The following ATXN8OS variants were observed in gnomAD, a reference collection of about 807,000 sequenced individuals.
The protein encoded by ATXN8OS is ATXN8 opposite strand lncRNA, also known as ATXN8 opposite strand (non-protein coding).
At position 70,159,097 on chromosome 13, in the gene ATXN8OS, T is replaced by A. The variant is rs375834137; in HGVS notation, n.574-10656T>A. ...AGATTAAAATCTCCTCATTACTAGA[T>A]AATACTATAGTTCAACGTATTTTAG... On this transcript the variant is annotated intron_variant and non_coding_transcript_variant, in intron 4 of 4. Transcript: ENST00000678624. 5.3e-5 allele frequency among the ~76,000 whole-genome samples: 8 copies of A among 152,248 alleles called. No individual in the cohort carries two copies. The South Asian group carries it at 1.7e-3, about 32-fold the overall frequency.
At chr13:70,124,773 T>C (rs1288970927) in intron 2 of ATXN8OS, among the ~76,000 whole-genome samples, 1 of 152,066 alleles carries the variant, frequency 6.6e-6, no homozygotes, top group Non-Finnish European at 1.5e-5. Context: ...ACTGAAGATA[T>C]ATCGTTGTCA....
Position 70,150,985 on chromosome 13 carries a change from GTGAT to G in ATXN8OS, n.573+3562_573+3565del, listed in dbSNP as rs1888858467. On this transcript the variant is annotated intron_variant and non_coding_transcript_variant, in intron 4 of 4. Transcript: ENST00000678624. Reference sequence around the variant, plus strand: ...TTTTAAAAAACAGCTTTATCAAGGTGTGATTGATACTCAAAAATCTGCACATATT... The same window carrying G: ...TTTTAAAAAACAGCTTTATCAAGGTGTGATACTCAAAAATCTGCACATATT... Among the ~76,000 whole-genome samples, 4 of 152,236 alleles carry G rather than the reference GTGAT, an allele frequency of 2.6e-5. No individual in the cohort carries two copies. The South Asian group carries it at 8.3e-4, about 32-fold the overall frequency.
intron 4 of ATXN8OS, among the ~76,000 whole-genome samples, chr13:70,155,082 G>T (rs1478700630): frequency 1.3e-5 from 2 of 152,190 alleles, no homozygotes; most frequent in Admixed American, 6.5e-5. Flanking sequence ...ACATCAGTCA[G>T]CTGGGCCTGA....
chr13:70,109,321 T>C (rs1433361392), intron 1 of ATXN8OS, among the ~76,000 whole-genome samples: 1 of 152,192 alleles, frequency 6.6e-6, no homozygotes, highest in Non-Finnish European at 1.5e-5. Flanking sequence ...CAGTAGTCTT[T>C]GTTGAAGGCA....
chr13:70,155,869 A>G (rs896975491), intron 4 of ATXN8OS, among the ~76,000 whole-genome samples: 6 of 152,000 alleles, frequency 3.9e-5, no homozygotes, highest in Non-Finnish European at 8.8e-5. Context: ...CAGAAAAAAA[A>G]GTATGTTTTA....
intron 4 of ATXN8OS, among the ~76,000 whole-genome samples, chr13:70,154,581 A>G (rs1261859612): frequency 6.6e-6 from 1 of 152,186 alleles, no homozygotes; most frequent in Non-Finnish European, 1.5e-5. Context: ...AAGTGAAATA[A>G]GTTGTCCTGT....
At chr13:70,156,855 C>T (rs1349516749) in intron 4 of ATXN8OS, among the ~76,000 whole-genome samples, 2 of 151,980 alleles carry the variant, frequency 1.3e-5, no homozygotes, top group East Asian at 1.9e-4. Context: ...TTTCAGCTAC[C>T]TCCTTAAGCC....
chr13:70,109,748 T>C (rs1418893231), intron 1 of ATXN8OS, among the ~76,000 whole-genome samples: 2 of 152,176 alleles, frequency 1.3e-5, no homozygotes, highest in Non-Finnish European at 2.9e-5. Flanking sequence ...TGGTGACAGA[T>C]CATTTTTATC....
intron 1 of ATXN8OS, among the ~76,000 whole-genome samples, chr13:70,112,687 T>G (rs997796246): frequency 2.6e-5 from 4 of 152,012 alleles, no homozygotes; most frequent in Admixed American, 2.6e-4. Context: ...TACATTTGTA[T>G]AGTTGAGGAA....
At chr13:70,137,083 A>G (rs1888628652) in intron 3 of ATXN8OS, among the ~76,000 whole-genome samples, 1 of 152,194 alleles carries the variant, frequency 6.6e-6, no homozygotes, top group South Asian at 2.1e-4. Flanking sequence ...TTTCATCGAG[A>G]AAGACTTGTT....
intron 3 of ATXN8OS, among the ~76,000 whole-genome samples, chr13:70,146,886 C>T (rs962337613): frequency 3.3e-5 from 5 of 151,996 alleles, no homozygotes; most frequent in Admixed American, 2.0e-4. Flanking sequence ...GCACATTGTG[C>T]ACATGTACCC....
At chr13:70,145,418 T>C (rs1283294393) in intron 3 of ATXN8OS, among the ~76,000 whole-genome samples, 5 of 151,950 alleles carry the variant, frequency 3.3e-5, no homozygotes, top group Middle Eastern at 3.4e-3. Context: ...GGGGATGGCA[T>C]TGAATCTATA....
At chr13:70,115,859 G>A (rs1888271742) in intron 2 of ATXN8OS, among the ~76,000 whole-genome samples, 1 of 151,874 alleles carries the variant, frequency 6.6e-6, no homozygotes, top group African/African-American at 2.4e-5. Context: ...AGAATATTTT[G>A]GTGCCCTCAT....
chr13:70,165,146 A>G (rs1210951350), intron 4 of ATXN8OS, among the ~76,000 whole-genome samples: 2 of 152,006 alleles, frequency 1.3e-5, no homozygotes, highest in African/African-American at 4.8e-5. Flanking sequence ...TTCAAGCCTT[A>G]GAAAATAAAT....
At chr13:70,141,862 A>G (rs11840571) in intron 3 of ATXN8OS, among the ~76,000 whole-genome samples, 19,224 of 151,994 alleles carry the variant, frequency 0.13, 1,549 homozygotes, top group Non-Finnish European at 0.18. Flanking sequence ...ACATACATAT[A>G]TATGTATATG....
chr13:70,115,340 G>A (rs777945116), intron 2 of ATXN8OS: 15 of 397,592 alleles, frequency 3.8e-5, no homozygotes, highest in Non-Finnish European at 6.7e-5. Context: ...TCACAGGGAG[G>A]GAGTCCTCAT....
rs372264957 is a variant in ATXN8OS, at chr13:70,143,724, C to T, written n.500-3631C>T. 1.5e-4 allele frequency among the ~76,000 whole-genome samples: 23 copies of T among 152,198 alleles called. No homozygotes were observed. The East Asian group carries it at 4.4e-3, about 29-fold the overall frequency. On this transcript the variant is annotated intron_variant and non_coding_transcript_variant, in intron 3 of 4. Coordinates refer to ENST00000678624, the Ensembl canonical transcript of ATXN8OS. ...GCAAATCTAAATAATACATATACTA[C>T]TGGAACTCTATGAAGATTTTTATGG... is the stretch of plus-strand genomic sequence containing the variant.
intron 1 of ATXN8OS, among the ~76,000 whole-genome samples, chr13:70,109,786 C>G (rs1888171780): frequency 6.6e-6 from 1 of 152,048 alleles, no homozygotes; most frequent in Non-Finnish European, 1.5e-5. Flanking sequence ...AAGCATTTCC[C>G]TTAGGGAAGA....
intron 3 of ATXN8OS, among the ~76,000 whole-genome samples, chr13:70,145,748 T>G (rs1186704963): frequency 1.3e-5 from 2 of 152,144 alleles, no homozygotes; most frequent in Non-Finnish European, 1.5e-5. Flanking sequence ...AAGGAGATTT[T>G]GGGCTGAGAC....
Sources: gnomAD v4.1 joint callset for allele counts (sites outside exome capture counted in the v4.1 genomes callset) on GRCh38, gnomAD v4.1.1 for gene constraint, MANE v1.5 for transcripts, NCBI Gene and HGNC (gene_info 2026-07-23, HGNC 2026-07-21) for gene names.